Variants in CCDC141 observed in about 807,000 individuals in gnomAD.
CCDC141 encodes coiled-coil domain-containing protein 141.
Under a neutral mutation model 181.0 loss-of-function variants are expected in CCDC141, and 168 were observed. That is an observed-to-expected ratio of 0.93 (90% CI 0.82 to 1.05). The LOEUF is 1.05. CCDC141 is among the 50% of genes least tolerant of loss of function. The pLI, the probability that CCDC141 is intolerant of heterozygous loss-of-function variation, is 0.00. For missense variants in CCDC141, 1,902 were observed against 1,788.5 expected (o/e 1.06, Z -1.14); for synonymous variants, 666 against 642.3 (o/e 1.04, Z -0.56).
chr2:178,867,502 A>G (rs1366566724), intron 16 of CCDC141, among the ~76,000 whole-genome samples: 1 of 152,172 alleles, frequency 6.6e-6, no homozygotes, highest in Non-Finnish European at 1.5e-5. Context: ...TGTGTATTTC[A>G]TACTTTGAGC....
intron 2 of CCDC141, among the ~76,000 whole-genome samples, chr2:179,042,007 G>A (rs2043322103): frequency 6.6e-6 from 1 of 152,120 alleles, no homozygotes; most frequent in Non-Finnish European, 1.5e-5. Context: ...ATCATTGACA[G>A]AAAATTTAAA....
intron 8 of CCDC141, among the ~76,000 whole-genome samples, chr2:178,893,036 A>C (rs1687230473): frequency 6.6e-6 from 1 of 152,146 alleles, no homozygotes; most frequent in South Asian, 2.1e-4. Flanking sequence ...AATGGATTAG[A>C]GGATGCCTGT....
Position 178,911,972 on chromosome 2 carries a change from A to G in CCDC141, c.1093-6471T>C, listed in dbSNP as rs544664996. ...AAAGTAATTAAATTATCTTCTTTCA[A>G]AATGGTCAAGTCCCAAGTACCTTGG... On this transcript the variant is annotated intron_variant, in intron 7 of 23. Coordinates refer to ENST00000443758, the MANE Select transcript of CCDC141 (RefSeq NM_173648.4). Among the ~76,000 whole-genome samples the G allele has an allele frequency of 1.2e-4, 18 of 152,298 alleles. 1 individual carries two copies. In the South Asian group the frequency reaches 3.7e-3, roughly 32 times the overall value.
intron 5 of CCDC141, 94 bp from the exon 6 acceptor site, chr2:178,944,745 A>G (rs1307300853): frequency 2.1e-6 from 1 of 480,622 alleles, no homozygotes; most frequent in Admixed American, 3.8e-5. Context: ...TCAAAACTTA[A>G]GCTACTTTAA....
At chr2:178,865,708 T>C in intron 17 of CCDC141, 59 bp downstream of exon 17, 1 of 1,386,598 alleles carries the variant, frequency 7.2e-7, no homozygotes, top group South Asian at 1.9e-5. Context: ...TTTAGACACA[T>C]GCTTTAGGTT....
At chr2:178,889,706 A>G (rs1470597058) in intron 8 of CCDC141, among the ~76,000 whole-genome samples, 2 of 152,200 alleles carry the variant, frequency 1.3e-5, no homozygotes, top group Non-Finnish European at 2.9e-5. Flanking sequence ...GCTGGAAAAC[A>G]CTGAGGTGTG....
At chr2:179,012,631 C>T (rs919019069) in intron 2 of CCDC141, among the ~76,000 whole-genome samples, 1 of 152,070 alleles carries the variant, frequency 6.6e-6, no homozygotes, top group Non-Finnish European at 1.5e-5. Context: ...CAGCATTACC[C>T]TAATACCAAA....
chr2:178,878,387 C>A (rs1166117212), intron 11 of CCDC141, among the ~76,000 whole-genome samples: 1 of 151,400 alleles, frequency 6.6e-6, no homozygotes, highest in Non-Finnish European at 1.5e-5. Context: ...CAGCCCCAAA[C>A]TCTTGGGGTC....
intron 2 of CCDC141, among the ~76,000 whole-genome samples, chr2:178,994,881 C>G (rs1056239950): frequency 6.6e-6 from 1 of 152,166 alleles, no homozygotes; most frequent in Non-Finnish European, 1.5e-5. Flanking sequence ...TTTGCTCAAA[C>G]GTAACAAAAG....
intron 6 of CCDC141, among the ~76,000 whole-genome samples, chr2:178,934,524 C>T (rs1399230308): frequency 1.3e-5 from 2 of 152,002 alleles, no homozygotes; most frequent in Non-Finnish European, 2.9e-5. Flanking sequence ...TTTTCATATT[C>T]GGTAAAGAAA....
At chr2:178,986,765 G>A (rs1211624229) in intron 2 of CCDC141, among the ~76,000 whole-genome samples, 1 of 151,984 alleles carries the variant, frequency 6.6e-6, no homozygotes, top group African/African-American at 2.4e-5. Flanking sequence ...TACAAGGGAT[G>A]TGAAGGACCT....
At chr2:178,867,775 A>G (rs780392596) in intron 16 of CCDC141, among the ~76,000 whole-genome samples, 20 of 152,318 alleles carry the variant, frequency 1.3e-4, no homozygotes, top group Middle Eastern at 6.8e-3. Context: ...ATACAGATCT[A>G]CTATATAAAT....
chr2:178,870,238 A>AAAAAAAAAAAAAAAAAAAAAAAAC (rs1686054162), intron 14 of CCDC141, among the ~76,000 whole-genome samples: 1 of 150,902 alleles, frequency 6.6e-6, no homozygotes, highest in African/African-American at 2.4e-5. Flanking sequence ...TCTCAAAAAA[A>AAAAAAAAAAAAAAAAAAAAAAAAC]AAAAAAAAAA....
intron 2 of CCDC141, among the ~76,000 whole-genome samples, chr2:179,043,784 C>G (rs2043391578): frequency 6.6e-6 from 1 of 152,128 alleles, no homozygotes; most frequent in Admixed American, 6.6e-5. Flanking sequence ...GATGCCTATT[C>G]AACACAGTAT....
At chr2:178,923,346 C>T (rs1166600212) in intron 6 of CCDC141, among the ~76,000 whole-genome samples, 4 of 152,006 alleles carry the variant, frequency 2.6e-5, no homozygotes, top group Admixed American at 6.6e-5. Context: ...CCTCGTGATC[C>T]GCCCGCCTCG....
chr2:178,895,542 T>G (rs1687367693), intron 8 of CCDC141, among the ~76,000 whole-genome samples: 1 of 152,198 alleles, frequency 6.6e-6, no homozygotes, highest in South Asian at 2.1e-4. Context: ...TAATGGGAAG[T>G]GTGAGCTTTT....
At chr2:178,838,625 A>G (rs1684590961) in intron 22 of CCDC141, among the ~76,000 whole-genome samples, 1 of 152,238 alleles carries the variant, frequency 6.6e-6, no homozygotes, top group Non-Finnish European at 1.5e-5. Context: ...TTTGGTGAAT[A>G]CAAGTAGATC....
chr2:178,986,796 C>T (rs975737706), intron 2 of CCDC141, among the ~76,000 whole-genome samples: 1 of 151,664 alleles, frequency 6.6e-6, no homozygotes, highest in Non-Finnish European at 1.5e-5. Context: ...AACTACAAAC[C>T]GCTGCTCAAG....
intron 2 of CCDC141, among the ~76,000 whole-genome samples, chr2:179,029,993 A>G (rs1202935055): frequency 6.6e-6 from 1 of 152,090 alleles, no homozygotes; most frequent in Non-Finnish European, 1.5e-5. Context: ...TCTTTATCCC[A>G]TTTGTATATG....
Sources: gnomAD v4.1 joint callset for allele counts (sites outside exome capture counted in the v4.1 genomes callset) on GRCh38, gnomAD v4.1.1 for gene constraint, MANE v1.5 for transcripts, NCBI Gene and HGNC (gene_info 2026-07-23, HGNC 2026-07-21) for gene names.